Variants in ACACA observed in about 807,000 individuals in gnomAD.
ACACA encodes acetyl-CoA carboxylase alpha.
ACACA carries 103 observed loss-of-function variants against 296.1 expected under a neutral mutation model. The ratio of observed to expected loss-of-function variants is 0.35; its 90% CI spans 0.30 to 0.41. The LOEUF (loss-of-function observed/expected upper bound fraction) is 0.41. Among genes scored for constraint, ACACA ranks in the 10% least tolerant of loss-of-function variants. The pLI is 1.00. For synonymous variants in ACACA, 953 were observed against 1,038.6 expected (o/e 0.92, Z 1.58); for missense variants, 1,554 against 2,989.7 (o/e 0.52, Z 11.20).
intron 52 of ACACA, among the ~76,000 whole-genome samples, chr17:37,110,026 G>C (rs889206438): frequency 1.3e-5 from 2 of 151,030 alleles, no homozygotes; most frequent in African/African-American, 4.9e-5. Context: ...TCCAGAAGAA[G>C]ACCGACTTTG....
At chr17:37,289,489 C>A in intron 3 of ACACA, 1 of 1,352,066 alleles carries the variant, frequency 7.4e-7, no homozygotes, top group Non-Finnish European at 9.8e-7. Context: ...CTTCAACCCT[C>A]TAGGCACCTC....
chr17:37,142,016 T>TG (rs2075608757), intron 45 of ACACA, among the ~76,000 whole-genome samples: 1 of 151,644 alleles, frequency 6.6e-6, no homozygotes, highest in African/African-American at 2.4e-5. Context: ...TTTTTTGTTT[T>TG]TTTTTTTTTA....
intron 48 of ACACA, 66 bp from the exon 49 acceptor site, chr17:37,122,693 C>T (rs2074585837): frequency 1.4e-6 from 2 of 1,382,494 alleles, no homozygotes; most frequent in Non-Finnish European, 2.1e-6. Context: ...ATTTGTTTTC[C>T]AATCCCAAAT....
chr17:37,359,124 A>C (rs1012272054), intron 1 of ACACA: 1 of 985,422 alleles, frequency 1.0e-6, no homozygotes, highest in South Asian at 4.7e-5. Flanking sequence ...CCGGCCCGGC[A>C]CACGGAGAAG....
At position 37,330,154 on chromosome 17, in the gene ACACA, C is replaced by A. The variant is rs780237739; in HGVS notation, c.338+19G>T. 8.1e-6 allele frequency: 13 copies of A among 1,613,634 alleles called. No homozygotes were observed. In the South Asian group the frequency reaches 1.4e-4, roughly 18 times the overall value. On this transcript the variant is annotated intron_variant, in intron 3 of 55. Coordinates refer to ENST00000616317, the MANE Select transcript of ACACA (RefSeq NM_198834.3). The stretch of plus-strand genomic sequence containing the variant: ...TAACAAGACAGATTAAATAAGTAGA[C>A]CATTGAACTCTCTCTTACCTTATGT...
intron 10 of ACACA, among the ~76,000 whole-genome samples, chr17:37,265,714 T>TGTTTG (rs1451775490): frequency 6.6e-6 from 1 of 152,188 alleles, no homozygotes; most frequent in Non-Finnish European, 1.5e-5. Context: ...CTTTTCATTT[T>TGTTTG]GTTTTGTTTT....
chr17:37,270,258 A>G (rs934611590), intron 10 of ACACA, among the ~76,000 whole-genome samples: 16 of 152,202 alleles, frequency 1.1e-4, no homozygotes, highest in African/African-American at 3.9e-4. Flanking sequence ...GATGAGACAT[A>G]TGATAGAAAC....
At chr17:37,358,916 GC>G in intron 1 of ACACA, 1 of 980,156 alleles carries the variant, frequency 1.0e-6, no homozygotes, top group Non-Finnish European at 1.2e-6. Context: ...CTGGGAGGCG[GC>G]CCCCTGCCTG....
rs144016082 is a variant in ACACA, at chr17:37,321,465, C to T, written c.338+8708G>A. Among the ~76,000 whole-genome samples the T allele has an allele frequency of 6.4e-3, 973 of 152,148 alleles. 7 individuals are homozygous for T. Among genetic ancestry groups the T allele is most frequent in the Middle Eastern group, 0.048 (14 of 292 alleles). Reference sequence around the variant, plus strand: ...TGGTGTCTCTACTAAAACTACAAAACGTGGCCGGGTGCGGTGGCTCACGTC... The same window carrying T: ...TGGTGTCTCTACTAAAACTACAAAATGTGGCCGGGTGCGGTGGCTCACGTC... On this transcript the variant is annotated intron_variant, in intron 3 of 55. Transcript: ENST00000616317.
intron 36 of ACACA, 88 bp from the exon 37 acceptor site, chr17:37,192,393 A>G: frequency 8.1e-7 from 1 of 1,228,420 alleles, no homozygotes; most frequent in Non-Finnish European, 1.2e-6. Context: ...GATGCCTGAA[A>G]ATAGAAACAT....
chr17:37,297,506 T>C (rs1484193112), intron 3 of ACACA, among the ~76,000 whole-genome samples: 1 of 145,292 alleles, frequency 6.9e-6, no homozygotes, highest in Non-Finnish European at 1.5e-5. Context: ...TATATGTGCG[T>C]GTGTTTGTGT....
intron 35 of ACACA, among the ~76,000 whole-genome samples, chr17:37,199,381 G>A (rs2078146522): frequency 6.6e-6 from 1 of 152,012 alleles, no homozygotes; most frequent in Non-Finnish European, 1.5e-5. Flanking sequence ...TTCCAAACTG[G>A]ATTTCTGGCC....
At chr17:37,323,227 C>T (rs181093276) in intron 3 of ACACA, among the ~76,000 whole-genome samples, 3 of 152,346 alleles carry the variant, frequency 2.0e-5, no homozygotes, top group East Asian at 3.9e-4. Context: ...GTGGGGCAAC[C>T]GAAGGAGCAA....
chr17:37,097,243 A>G lies in ACACA; in HGVS notation c.6721-77T>C. On this transcript the variant is annotated intron_variant, in intron 53 of 55. Transcript: ENST00000616317. The surrounding 1 kb of genome is among the most constrained non-coding windows in gnomAD (Gnocchi z 4.8). ...TCAGTCTGGAGGGAAACCCACAGGC[A>G]TAAAAACTGATTCTCCAGGCAAGCC... 1 of 1,519,856 alleles carries G rather than the reference A, an allele frequency of 6.6e-7. No individual in the cohort carries two copies. The highest frequency in any genetic ancestry group is 2.3e-5 in the East Asian group (1 of 43,162). 94.1% of individuals were successfully genotyped at this position (1,519,856 alleles called of 1,614,324 possible).
chr17:37,336,796 G>A (rs1206085620), intron 2 of ACACA, among the ~76,000 whole-genome samples: 2 of 152,210 alleles, frequency 1.3e-5, no homozygotes, highest in Non-Finnish European at 2.9e-5. Context: ...ATAACTCACT[G>A]TAAAGTATGA....
chr17:37,291,482 C>A (rs1015251655), intron 3 of ACACA, among the ~76,000 whole-genome samples: 1 of 152,026 alleles, frequency 6.6e-6, no homozygotes, highest in Admixed American at 6.6e-5. Flanking sequence ...GGTCAAAAAT[C>A]TCATAATATT....
In ACACA at chr17:37,155,772, C is replaced by T. The variant is rs780949088; in HGVS notation, c.5358G>A (p.Arg1786=). 3 of 1,597,750 alleles carry T rather than the reference C, an allele frequency of 1.9e-6. No individual in the cohort carries two copies. Among genetic ancestry groups the T allele is most frequent in the Non-Finnish European group, 2.6e-6 (3 of 1,167,290 alleles). The stretch of plus-strand genomic sequence containing the variant: ...AATCTTGAGGAGTCAGATATAAATA[C>T]CTGTATCCCTGTGAAGCACAAATAG... ...VDPEDPYKGY[R]YLYLTPQDYK... is the part of the protein sequence containing the mutation. The change falls in exon 43 of 56, where the codon AGG becomes AGA. Residue 1786 remains arginine (R), a synonymous_variant. Coordinates refer to ENST00000616317, the MANE Select transcript of ACACA (RefSeq NM_198834.3).
chr17:37,352,213 T>C (rs906698661), intron 1 of ACACA, among the ~76,000 whole-genome samples: 3 of 152,112 alleles, frequency 2.0e-5, no homozygotes. Context: ...CCACCGTTCC[T>C]GGCCAGGCTT....
chr17:37,297,588 A>T (rs2083415607), intron 3 of ACACA, among the ~76,000 whole-genome samples: 1 of 151,494 alleles, frequency 6.6e-6, no homozygotes, highest in South Asian at 2.1e-4. Flanking sequence ...TGTCACCCAG[A>T]CTGGAGTGTG....
Sources: allele counts gnomAD v4.1 joint callset (sites outside exome capture counted in the v4.1 genomes callset), GRCh38; gene constraint gnomAD v4.1.1; non-coding constraint Gnocchi (gnomAD v3.1); transcripts MANE v1.5; gene names NCBI Gene and HGNC (gene_info 2026-07-23, HGNC 2026-07-21).